MOGAT1: variants seen among roughly 807,000 people sequenced by gnomAD.
The protein encoded by MOGAT1 is 2-acylglycerol O-acyltransferase 1.
A neutral mutation model predicts 31.4 loss-of-function variants in MOGAT1; 32 were observed. The observed-to-expected ratio is 1.02, with a 90% CI of 0.77 to 1.37. MOGAT1 has a LOEUF of 1.37. MOGAT1 is among the 40% of genes most tolerant of loss of function. The probability of loss-of-function intolerance (pLI) is 0.00; values close to 1 mark genes in which losing one functional copy is unlikely to be tolerated. For synonymous variants in MOGAT1, 145 were observed against 144.5 expected (o/e 1.00, Z -0.03); for missense variants, 426 against 402.0 (o/e 1.06, Z -0.51).
chr2:222,678,776 A>G (rs888766506), intron 1 of MOGAT1, among the ~76,000 whole-genome samples: 3 of 152,158 alleles, frequency 2.0e-5, no homozygotes, highest in African/African-American at 7.2e-5. Context: ...CCCTGCCTCT[A>G]CTAAAAATAT....
chr2:222,681,368 T>C (rs1238809087), intron 1 of MOGAT1, among the ~76,000 whole-genome samples: 1 of 152,208 alleles, frequency 6.6e-6, no homozygotes, highest in Admixed American at 6.5e-5. Flanking sequence ...TGATGGCTCA[T>C]AGCACTCAGG....
At chr2:222,702,238 C>G (rs569761019) in intron 5 of MOGAT1, among the ~76,000 whole-genome samples, 30 of 152,198 alleles carry the variant, frequency 2.0e-4, no homozygotes, top group East Asian at 3.9e-4. Context: ...GGAGGGGGTC[C>G]TCAGAGACAT....
In MOGAT1 at chr2:222,690,742, T is replaced by C. The variant is rs530186051; in HGVS notation, c.478+1273T>C. Among the ~76,000 whole-genome samples, 55 of 152,208 alleles carry C rather than the reference T, an allele frequency of 3.6e-4. No individual in the cohort carries two copies. The South Asian group carries it at 0.011, about 31-fold the overall frequency. On this transcript the variant is annotated intron_variant, in intron 3 of 5. Transcript: ENST00000446656. Reference sequence around the variant, plus strand: ...GTCCAGCCTGGTCCCGAGGGCACACTAGAGGGCGCACTAAACCCTCCAAGC... The same window carrying C: ...GTCCAGCCTGGTCCCGAGGGCACACCAGAGGGCGCACTAAACCCTCCAAGC...
chr2:222,686,730 C>G (rs949850686), intron 1 of MOGAT1, among the ~76,000 whole-genome samples: 2 of 152,174 alleles, frequency 1.3e-5, no homozygotes. Flanking sequence ...GTCTTTCAAC[C>G]TTTAACCAAC....
At chr2:222,685,782 G>A (rs917895359) in intron 1 of MOGAT1, among the ~76,000 whole-genome samples, 2 of 151,708 alleles carry the variant, frequency 1.3e-5, no homozygotes, top group East Asian at 1.9e-4. Flanking sequence ...TGTATTTTTA[G>A]TAGAGACAGG....
chr2:222,677,045 T>C (rs1219926897), intron 1 of MOGAT1, among the ~76,000 whole-genome samples: 2 of 152,216 alleles, frequency 1.3e-5, no homozygotes, highest in Non-Finnish European at 2.9e-5. Flanking sequence ...TAGTAGGGAA[T>C]ACTGAAAATG....
At chr2:222,686,505 A>G (rs1692671576) in intron 1 of MOGAT1, among the ~76,000 whole-genome samples, 1 of 152,214 alleles carries the variant, frequency 6.6e-6, no homozygotes, top group Admixed American at 6.5e-5. Flanking sequence ...ACCAAAATAA[A>G]CAGAAAACTA....
chr2:222,694,245 A>T, intron 3 of MOGAT1, 117 bp from the exon 4 acceptor site: 2 of 881,542 alleles, frequency 2.3e-6, no homozygotes, highest in Non-Finnish European at 3.3e-6. Flanking sequence ...AGTGCTCCAA[A>T]GGTAAGCAGT....
At chr2:222,678,809 C>T (rs551180850) in intron 1 of MOGAT1, among the ~76,000 whole-genome samples, 5 of 152,162 alleles carry the variant, frequency 3.3e-5, no homozygotes, top group East Asian at 1.9e-4. Context: ...GGCATGGTGG[C>T]GGGTGCCTGT....
At chr2:222,682,218 C>G (rs1031849847) in intron 1 of MOGAT1, among the ~76,000 whole-genome samples, 1 of 152,164 alleles carries the variant, frequency 6.6e-6, no homozygotes, top group Non-Finnish European at 1.5e-5. Context: ...CACTTCATCT[C>G]TAAATACTGT....
intron 1 of MOGAT1, among the ~76,000 whole-genome samples, chr2:222,673,976 C>T (rs1370562429): frequency 6.6e-6 from 1 of 152,182 alleles, no homozygotes; most frequent in Non-Finnish European, 1.5e-5. Context: ...GAATTATGCA[C>T]CCACCAGATC....
intron 5 of MOGAT1, among the ~76,000 whole-genome samples, chr2:222,703,213 A>C (rs934612805): frequency 6.6e-6 from 1 of 152,224 alleles, no homozygotes; most frequent in African/African-American, 2.4e-5. Flanking sequence ...GACTAAAGGA[A>C]GATAAGAGTT....
At chr2:222,679,882 C>T (rs150623404) in intron 1 of MOGAT1, among the ~76,000 whole-genome samples, 2 of 152,166 alleles carry the variant, frequency 1.3e-5, no homozygotes, top group African/African-American at 4.8e-5. Flanking sequence ...TGCCTGAGTC[C>T]GTGTAATAAG....
At chr2:222,673,770 T>G (rs1326964422) in intron 1 of MOGAT1, among the ~76,000 whole-genome samples, 1 of 152,244 alleles carries the variant, frequency 6.6e-6, no homozygotes, top group Non-Finnish European at 1.5e-5. Flanking sequence ...CACTTATCAT[T>G]GCTTGTATCT....
At chr2:222,684,675 C>T (rs1474905629) in intron 1 of MOGAT1, among the ~76,000 whole-genome samples, 11 of 152,096 alleles carry the variant, frequency 7.2e-5, no homozygotes, top group East Asian at 3.9e-4. Flanking sequence ...CTCCCAGGTT[C>T]GAACAATTCT....
chr2:222,684,342 G>GGA (rs1368885605), intron 1 of MOGAT1, among the ~76,000 whole-genome samples: 2 of 151,806 alleles, frequency 1.3e-5, no homozygotes. Context: ...AGAGGCGGAG[G>GGA]TTGCAGTGAG....
chr2:222,697,480 G>A (rs766842820), intron 5 of MOGAT1, among the ~76,000 whole-genome samples: 21 of 152,176 alleles, frequency 1.4e-4, no homozygotes, highest in Non-Finnish European at 2.6e-4. Flanking sequence ...CTCTCTGAAG[G>A]GAATATTGAG....
chr2:222,686,104 C>G (rs761365857), intron 1 of MOGAT1, among the ~76,000 whole-genome samples: 17 of 152,096 alleles, frequency 1.1e-4, no homozygotes, highest in Non-Finnish European at 2.1e-4. Context: ...GAAAGGAAAA[C>G]AGAACCTCCC....
At chr2:222,681,536 A>G (rs951374415) in intron 1 of MOGAT1, among the ~76,000 whole-genome samples, 17 of 151,868 alleles carry the variant, frequency 1.1e-4, no homozygotes, top group African/African-American at 4.1e-4. Context: ...GTGTTCACCA[A>G]CCCAGAAGCT....
Sources: gnomAD v4.1 joint callset for allele counts (sites outside exome capture counted in the v4.1 genomes callset) on GRCh38, gnomAD v4.1.1 for gene constraint, MANE v1.5 for transcripts, NCBI Gene and HGNC (gene_info 2026-07-23, HGNC 2026-07-21) for gene names.